Variants in ANKRD46 observed in about 807,000 individuals in gnomAD.
ANKRD46 encodes the protein ankyrin repeat domain 46.
ANKRD46 carries 13 observed loss-of-function variants against 19.8 expected under a neutral mutation model. That is an observed-to-expected ratio of 0.66 (90% CI 0.43 to 1.04). The LOEUF is 1.04. Ranked by LOEUF, ANKRD46 falls within the 50% of genes least tolerant of loss-of-function variation. ANKRD46 has a pLI of 0.00. For missense variants in ANKRD46, 185 were observed against 274.8 expected (o/e 0.67, Z 2.31); for synonymous variants, 91 against 106.9 (o/e 0.85, Z 0.92).
Position 100,532,620 on chromosome 8 carries a change from G to A in ANKRD46, c.-28+589C>T, listed in dbSNP as rs1398796707. 6.6e-6 allele frequency among the ~76,000 whole-genome samples: 1 copy of A among 152,036 alleles called. No individual in the cohort carries two copies. The highest frequency in any genetic ancestry group is 2.4e-5 in the African/African-American group (1 of 41,374). Reference sequence around the variant, plus strand: ...GGTGTCCAACATTTCGGCTTCCCTGGGTCACAATGGAAGAAGAATTGTCTT... The same window carrying A: ...GGTGTCCAACATTTCGGCTTCCCTGAGTCACAATGGAAGAAGAATTGTCTT... On this transcript the variant is annotated intron_variant, in intron 2 of 4. Transcript: ENST00000335659. This position sits in a 1 kb window ranked among gnomAD's most constrained non-coding sequence, Gnocchi z 4.7.
rs913859425 is a variant in ANKRD46 at position 100,534,002 on chromosome 8, C to T, written c.-130-691G>A. 7.2e-5 allele frequency among the ~76,000 whole-genome samples: 11 copies of T among 152,142 alleles called. No homozygotes were observed. The highest frequency in any genetic ancestry group is 1.3e-4 in the Admixed American group (2 of 15,282). Reference sequence around the variant, plus strand: ...CCACTCAGCTCTTCTCTGGAAGGACCGTGGAAGCAGGGTCATGGGCAGGCA... The same window carrying T: ...CCACTCAGCTCTTCTCTGGAAGGACTGTGGAAGCAGGGTCATGGGCAGGCA... On this transcript the variant is annotated intron_variant, in intron 1 of 4. Transcript: ENST00000335659. The surrounding 1 kb of genome is among the most constrained non-coding windows in gnomAD (Gnocchi z 4.2).
intron 1 of ANKRD46, among the ~76,000 whole-genome samples, chr8:100,542,932 A>G (rs1192336933): frequency 1.3e-5 from 2 of 152,126 alleles, no homozygotes; most frequent in Non-Finnish European, 2.9e-5. Flanking sequence ...TTTCTGACTG[A>G]GCCCTGGCCT....
intron 5 of ANKRD46, among the ~76,000 whole-genome samples, chr8:100,514,846 G>A (rs1365980227): frequency 1.3e-5 from 2 of 151,806 alleles, no homozygotes; most frequent in Non-Finnish European, 2.9e-5. Flanking sequence ...CACCATATTC[G>A]CCAGGCTGGT....
intron 1 of ANKRD46, among the ~76,000 whole-genome samples, chr8:100,539,311 A>C (rs1442603424): frequency 6.6e-6 from 1 of 152,222 alleles, no homozygotes; most frequent in African/African-American, 2.4e-5. Context: ...AAATATGTGA[A>C]TATTTATTTG....
intron 5 of ANKRD46, among the ~76,000 whole-genome samples, chr8:100,512,659 A>G (rs1397622872): frequency 6.6e-6 from 1 of 152,242 alleles, no homozygotes; most frequent in African/African-American, 2.4e-5. Context: ...TCTCAACCAG[A>G]AAGAAAATAT....
Position 100,533,198 on chromosome 8 carries a change from T to C in ANKRD46, c.-28+11A>G, listed in dbSNP as rs920805087. ...CATCTTGTGAGGAAGTCCACAGTAG[T>C]AAATACTCACGTAAGCCTTAAGATT... On this transcript the variant is annotated intron_variant, in intron 2 of 4. Transcript: ENST00000335659. 1 of 152,242 alleles carries C rather than the reference T, an allele frequency of 6.6e-6. No homozygotes were observed. Among genetic ancestry groups the C allele is most frequent in the Non-Finnish European group, 1.5e-5 (1 of 68,040 alleles). 9.4% of individuals were successfully genotyped at this position (152,242 alleles called of 1,614,324 possible).
chr8:100,541,941 T>C (rs1286208576), intron 1 of ANKRD46, among the ~76,000 whole-genome samples: 1 of 152,190 alleles, frequency 6.6e-6, no homozygotes, highest in Non-Finnish European at 1.5e-5. Context: ...CAACAGGCCA[T>C]ACCATATGGC....
At position 100,550,218 on chromosome 8, in the gene ANKRD46, G is replaced by A. The variant is rs1282114857; in HGVS notation, c.-131+9493C>T. Among the ~76,000 whole-genome samples the A allele has an allele frequency of 6.6e-6, 1 of 152,172 alleles. No homozygotes were observed. Among genetic ancestry groups the A allele is most frequent in the East Asian group, 1.9e-4 (1 of 5,200 alleles). On this transcript the variant is annotated intron_variant, in intron 1 of 4. Coordinates refer to ENST00000335659, the MANE Select transcript of ANKRD46 (RefSeq NM_001270377.2). This position sits in a 1 kb window ranked among gnomAD's most constrained non-coding sequence, Gnocchi z 4.4. ...TTGCTGGATGGTAAGAGTATGTTTA[G>A]TTTTTTTAAGAAACCACCAAATTGT... is the stretch of plus-strand genomic sequence containing the variant.
chr8:100,527,982 AG>A lies in ANKRD46; in HGVS notation c.332del (p.Pro111LeufsTer2). ...CTCCTCTGCGCTTTGCCAGAACTAA[AG>A]GGGTAGCACCTTGATGATTGCTAAA... ...IDICNHQGAT[P>X]LVLAKRRGVN... On this transcript the variant is annotated frameshift_variant, in exon 4 of 5. Coordinates refer to ENST00000335659, the MANE Select transcript of ANKRD46 (RefSeq NM_001270377.2). LOFTEE classifies it high-confidence loss of function. The surrounding 1 kb of genome is among the most constrained non-coding windows in gnomAD (Gnocchi z 4.0). The A allele has an allele frequency of 6.2e-7, 1 of 1,601,402 alleles. No individual in the cohort carries two copies. Among genetic ancestry groups the A allele is most frequent in the Non-Finnish European group, 8.5e-7 (1 of 1,173,148 alleles).
chr8:100,530,623 T>C (rs1811941297), intron 2 of ANKRD46, among the ~76,000 whole-genome samples: 1 of 152,086 alleles, frequency 6.6e-6, no homozygotes, highest in Non-Finnish European at 1.5e-5. Context: ...GACCTCATGA[T>C]CCGCCTGCCT....
downstream of ANKRD46, among the ~76,000 whole-genome samples, chr8:100,518,297 CAAAAT>C (rs1165560861): frequency 6.6e-6 from 1 of 152,004 alleles, no homozygotes; most frequent in East Asian, 1.9e-4. Flanking sequence ...AATAGAAACA[CAAAAT>C]AAAGGGAAAG....
In ANKRD46 at chr8:100,557,328, T is replaced by C. The variant is rs1197474541; in HGVS notation, c.-131+2383A>G. Among the ~76,000 whole-genome samples the C allele has an allele frequency of 6.6e-6, 1 of 152,210 alleles. No homozygotes were observed. Among genetic ancestry groups the C allele is most frequent in the African/African-American group, 2.4e-5 (1 of 41,464 alleles). ...AGGCCACAGGGTCGTGCTTCACCCTTTCTCTCATAAGCACATCCAAACCAT... is the reference window on the plus strand; with the variant it reads ...AGGCCACAGGGTCGTGCTTCACCCTCTCTCTCATAAGCACATCCAAACCAT... On this transcript the variant is annotated intron_variant, in intron 1 of 4. Coordinates refer to ENST00000335659, the MANE Select transcript of ANKRD46 (RefSeq NM_001270377.2). The surrounding 1 kb of genome is among the most constrained non-coding windows in gnomAD (Gnocchi z 5.9).
At chr8:100,517,636 G>A (rs1220190851), downstream of ANKRD46, among the ~76,000 whole-genome samples, 2 of 152,212 alleles carry the variant, frequency 1.3e-5, no homozygotes, top group African/African-American at 4.8e-5. Context: ...TGAACAGAAT[G>A]CCAGCCTATG....
Position 100,522,472 on chromosome 8 carries a change from C to G in ANKRD46, c.*83G>C. The G allele has an allele frequency of 6.4e-7, 1 of 1,559,150 alleles. No individual in the cohort carries two copies. The highest frequency in any genetic ancestry group is 8.7e-7 in the Non-Finnish European group (1 of 1,153,346). ...CATGTACTGCCCTCACTGCTTTGCG[C>G]TAAGAAAAATTCTGAGAAACTGAGA... On this transcript the variant is annotated 3_prime_UTR_variant, in exon 5 of 5. Coordinates refer to ENST00000335659, the MANE Select transcript of ANKRD46 (RefSeq NM_001270377.2).
rs561843847 is a variant in ANKRD46 at position 100,544,367 on chromosome 8, CT to C, written c.-130-11057del. Among the ~76,000 whole-genome samples, 30 of 152,320 alleles carry C rather than the reference CT, an allele frequency of 2.0e-4. No individual in the cohort carries two copies. Among genetic ancestry groups the C allele is most frequent in the African/African-American group, 6.7e-4 (28 of 41,574 alleles). Reference sequence around the variant, plus strand: ...AGGGGCCTAGCAATTGGAGAAAAGACTATAATCAACATCTAGAAAGAAGTGA... The same window carrying C: ...AGGGGCCTAGCAATTGGAGAAAAGACATAATCAACATCTAGAAAGAAGTGA... On this transcript the variant is annotated intron_variant, in intron 1 of 4. Coordinates refer to ENST00000335659, the MANE Select transcript of ANKRD46 (RefSeq NM_001270377.2). This position sits in a 1 kb window ranked among gnomAD's most constrained non-coding sequence, Gnocchi z 4.4.
chr8:100,553,250 A>T (rs1199869729), intron 1 of ANKRD46, among the ~76,000 whole-genome samples: 2 of 152,130 alleles, frequency 1.3e-5, no homozygotes, highest in African/African-American at 4.8e-5. Context: ...TGTTGTGTTT[A>T]AAAAAAATCA....
chr8:100,547,619 C>T (rs913803779), intron 1 of ANKRD46, among the ~76,000 whole-genome samples: 5 of 152,108 alleles, frequency 3.3e-5, no homozygotes, highest in Admixed American at 1.3e-4. Flanking sequence ...AAGACCTTGT[C>T]TCAAAAAAAT....
rs1811909073 is a variant in ANKRD46 at position 100,529,307 on chromosome 8, T to A, written c.311+216A>T. 1.3e-5 allele frequency among the ~76,000 whole-genome samples: 2 copies of A among 152,266 alleles called. No individual in the cohort carries two copies. Among genetic ancestry groups the A allele is most frequent in the African/African-American group, 4.8e-5 (2 of 41,472 alleles). The stretch of plus-strand genomic sequence containing the variant: ...ATAATTAGTAGCAGAAACTACCTAC[T>A]ATTTTCATAGAAAAAAATATGCTGC... On this transcript the variant is annotated intron_variant, in intron 3 of 4. Transcript: ENST00000335659. The surrounding 1 kb of genome is among the most constrained non-coding windows in gnomAD (Gnocchi z 5.8).
chr8:100,542,969 G>A (rs1156490885), intron 1 of ANKRD46, among the ~76,000 whole-genome samples: 1 of 152,106 alleles, frequency 6.6e-6, no homozygotes, highest in African/African-American at 2.4e-5. Context: ...CTATTAAAAT[G>A]GTAATCTGTG....
Sources: allele counts gnomAD v4.1 joint callset (sites outside exome capture counted in the v4.1 genomes callset), GRCh38; gene constraint gnomAD v4.1.1; non-coding constraint Gnocchi (gnomAD v3.1); transcripts MANE v1.5; gene names NCBI Gene and HGNC (gene_info 2026-07-23, HGNC 2026-07-21).